The following RUVBL1 variants were observed in gnomAD, a reference collection of about 807,000 sequenced individuals.
RUVBL1 encodes the protein ruvB-like 1.
A neutral mutation model predicts 52.4 loss-of-function variants in RUVBL1; 4 were observed. That is an observed-to-expected ratio of 0.08 (90% CI 0.04 to 0.17). RUVBL1 has a LOEUF of 0.17. Among genes scored for constraint, RUVBL1 ranks in the 10% least tolerant of loss-of-function variants. The pLI is 1.00. For missense variants in RUVBL1, 298 were observed against 572.8 expected, an observed-to-expected ratio of 0.52 and a Z score of 4.90; for synonymous variants, 217 against 214.4, an observed-to-expected ratio of 1.01 and a Z score of -0.10.
rs772579322 is a variant in RUVBL1, at chr3:128,107,126, C to T, written c.362-2202G>A. Among the ~76,000 whole-genome samples, 273 of 152,254 alleles carry T rather than the reference C, an allele frequency of 1.8e-3. 1 individual carries two copies. Among genetic ancestry groups the T allele is most frequent in the African/African-American group, 5.9e-3 (246 of 41,538 alleles). On this transcript the variant is annotated intron_variant, in intron 3 of 10. Coordinates refer to ENST00000322623, the MANE Select transcript of RUVBL1 (RefSeq NM_003707.3). Reference sequence around the variant, plus strand: ...TAAGACCACTGATGGCCTAAGTTTACGAAATACTGCTCTAAATCTCCGCTG... The same window carrying T: ...TAAGACCACTGATGGCCTAAGTTTATGAAATACTGCTCTAAATCTCCGCTG...
At chr3:128,153,544 C>T (rs915385826) in exon 1 of RUVBL1, 5 of 1,527,134 alleles carry the variant, frequency 3.3e-6, no homozygotes, top group Admixed American at 2.0e-5. Flanking sequence ...CGTGGGCGTG[C>T]TGGGCCACAT....
At chr3:128,086,532 C>A (rs1415421341) in intron 9 of RUVBL1, among the ~76,000 whole-genome samples, 4 of 152,216 alleles carry the variant, frequency 2.6e-5, no homozygotes, top group East Asian at 1.9e-4. Flanking sequence ...CAGAAGAGAA[C>A]ATTTGGGGCA....
At chr3:128,121,392 G>A (rs937783592) in intron 1 of RUVBL1, among the ~76,000 whole-genome samples, 22 of 150,664 alleles carry the variant, frequency 1.5e-4, no homozygotes, top group East Asian at 2.1e-4. Context: ...CACTACGCCC[G>A]GCCCAGATGC....
At chr3:128,098,340 A>C (rs1943032011) in intron 7 of RUVBL1, among the ~76,000 whole-genome samples, 1 of 152,248 alleles carries the variant, frequency 6.6e-6, no homozygotes, top group Non-Finnish European at 1.5e-5. Flanking sequence ...CCCTGGCTTA[A>C]ACTTTAAAGA....
At chr3:128,123,396 G>C (rs1198362044) in intron 1 of RUVBL1, among the ~76,000 whole-genome samples, 188 bp downstream of exon 1, 1 of 152,142 alleles carries the variant, frequency 6.6e-6, no homozygotes, top group Non-Finnish European at 1.5e-5. Flanking sequence ...AGGTATCCTG[G>C]GGCGGCCCCT....
intron 1 of RUVBL1, among the ~76,000 whole-genome samples, chr3:128,149,189 CTT>C (rs34444238): frequency 5.6e-4 from 75 of 132,928 alleles, no homozygotes; most frequent in Non-Finnish European, 6.5e-4. Context: ...TTCTTTCTTT[CTT>C]TTTTTTTTTT....
chr3:128,150,936 CTATATATTA>C (rs1394540305), intron 1 of RUVBL1, among the ~76,000 whole-genome samples: 1 of 80,816 alleles, frequency 1.2e-5, no homozygotes, highest in Non-Finnish European at 2.2e-5. Flanking sequence ...ATAATATATT[CTATATATTA>C]TATATATTAT....
chr3:128,095,451 ATC>A (rs1392534754), intron 8 of RUVBL1, among the ~76,000 whole-genome samples: 1 of 152,268 alleles, frequency 6.6e-6, no homozygotes. Context: ...GCCCACATGC[ATC>A]TGTCTCCAGA....
downstream of RUVBL1, among the ~76,000 whole-genome samples, chr3:128,080,577 A>G (rs1316545179): frequency 1.3e-5 from 2 of 152,212 alleles, no homozygotes; most frequent in Non-Finnish European, 2.9e-5. Context: ...CTTCCTCTCC[A>G]TAACCCACAA....
At chr3:128,118,371 T>C (rs570781049) in intron 2 of RUVBL1, among the ~76,000 whole-genome samples, 4 of 152,346 alleles carry the variant, frequency 2.6e-5, no homozygotes, top group African/African-American at 7.2e-5. Flanking sequence ...ATAATGCAAG[T>C]CATTATCTTA....
In RUVBL1 at chr3:128,106,458, TC is replaced by T. The variant is rs143719219; in HGVS notation, c.362-1535del. On this transcript the variant is annotated intron_variant, in intron 3 of 10. Transcript: ENST00000322623. The stretch of plus-strand genomic sequence containing the variant: ...CCTAGCAGACTCAGTTTAAAACGTA[TC>T]CCCCCCCCCTTCACACATTCTTCTT... Among the ~76,000 whole-genome samples the T allele has an allele frequency of 2.0e-3, 298 of 147,694 alleles. 2 individuals are homozygous for T. The highest frequency in any genetic ancestry group is 7.5e-3 in the East Asian group (38 of 5,034).
intron 1 of RUVBL1, among the ~76,000 whole-genome samples, chr3:128,151,083 A>C (rs1339294591): frequency 1.8e-5 from 2 of 113,642 alleles, no homozygotes; most frequent in African/African-American, 7.0e-5. Flanking sequence ...TATATTCTCT[A>C]TATATCTATA....
chr3:128,140,614 T>G (rs1334730865), intron 1 of RUVBL1, among the ~76,000 whole-genome samples: 1 of 152,150 alleles, frequency 6.6e-6, no homozygotes, highest in East Asian at 1.9e-4. Context: ...TAAGTTTTAG[T>G]GTACTGGAGT....
At chr3:128,128,081 T>C (rs901631522), upstream of RUVBL1, among the ~76,000 whole-genome samples, 2 of 152,072 alleles carry the variant, frequency 1.3e-5, no homozygotes, top group Non-Finnish European at 2.9e-5. Context: ...GTTAGTTTTT[T>C]GGGGGGCTTC....
At chr3:128,075,218 C>G (rs150041103) in intron 9 of RUVBL1, 1 of 152,206 alleles carries the variant, frequency 6.6e-6, no homozygotes, top group African/African-American at 2.4e-5. Context: ...AAGAACACTA[C>G]ACTTGATCTT....
chr3:128,123,387 G>A (rs919753894), intron 1 of RUVBL1, among the ~76,000 whole-genome samples, 197 bp downstream of exon 1: 5 of 152,150 alleles, frequency 3.3e-5, no homozygotes, highest in African/African-American at 1.2e-4. Context: ...ATCGTCACTA[G>A]GTATCCTGGG....
chr3:128,139,609 G>A lies in RUVBL1; in HGVS notation c.-40+13594C>T, dbSNP rs556502951. ...ATGTCTAAGAGACATCTGTACTCCCGTGTTTACTGCAGCACTATTCACAAT... is the reference window on the plus strand; with the variant it reads ...ATGTCTAAGAGACATCTGTACTCCCATGTTTACTGCAGCACTATTCACAAT... On this transcript the variant is annotated intron_variant, in intron 1 of 9. Coordinates refer to the RUVBL1 transcript ENST00000464873. Among the ~76,000 whole-genome samples the A allele has an allele frequency of 2.2e-3, 331 of 152,238 alleles. 1 individual carries two copies. Among genetic ancestry groups the A allele is most frequent in the Non-Finnish European group, 3.5e-3 (235 of 68,000 alleles).
At chr3:128,101,123 AG>A (rs1272241317) in intron 5 of RUVBL1, among the ~76,000 whole-genome samples, 1 of 152,228 alleles carries the variant, frequency 6.6e-6, no homozygotes, top group African/African-American at 2.4e-5. Flanking sequence ...TTAAACAGTG[AG>A]GAACACTGTA....
At chr3:128,096,331 G>A (rs570575788) in intron 8 of RUVBL1, among the ~76,000 whole-genome samples, 3 of 152,338 alleles carry the variant, frequency 2.0e-5, no homozygotes, top group Admixed American at 6.5e-5. Flanking sequence ...GACCACGAGC[G>A]TGGAGAGTGC....
Sources: allele counts gnomAD v4.1 joint callset (sites outside exome capture counted in the v4.1 genomes callset), GRCh38; gene constraint gnomAD v4.1.1; transcripts MANE v1.5; gene names NCBI Gene and HGNC (gene_info 2026-07-23, HGNC 2026-07-21).